Variants in SLC24A2 observed in about 807,000 individuals in gnomAD.
SLC24A2 encodes sodium/potassium/calcium exchanger 2.
A neutral mutation model predicts 62.0 loss-of-function variants in SLC24A2; 36 were observed. The observed-to-expected ratio is 0.58, with a 90% CI of 0.44 to 0.77. The LOEUF (loss-of-function observed/expected upper bound fraction) is 0.77, where lower values mean the gene tolerates loss of function less well. Ranked by LOEUF, SLC24A2 falls within the 30% of genes least tolerant of loss-of-function variation. The pLI, the probability that SLC24A2 is intolerant of heterozygous loss-of-function variation, is 0.00. For synonymous variants in SLC24A2, 358 were observed against 294.0 expected, an observed-to-expected ratio of 1.22 and a Z score of -2.23; for missense variants, 846 against 817.9, an observed-to-expected ratio of 1.03 and a Z score of -0.42.
chr9:19,546,904 C>A (rs930669685), intron 8 of SLC24A2, among the ~76,000 whole-genome samples: 1 of 152,160 alleles, frequency 6.6e-6, no homozygotes, highest in Non-Finnish European at 1.5e-5. Context: ...TTCCTCATGG[C>A]ACAGTCCCTC....
chr9:19,942,944 T>G, the SLC24A2 span, among the ~76,000 whole-genome samples: 1 of 152,174 alleles, frequency 6.6e-6, no homozygotes, highest in Non-Finnish European at 1.5e-5. Context: ...GAATGAACAT[T>G]CTAGAGAAAC....
chr9:20,076,551 G>A, the SLC24A2 span, among the ~76,000 whole-genome samples: 57 of 152,170 alleles, frequency 3.7e-4, 1 homozygote, highest in African/African-American at 1.3e-3. Context: ...ACTCTCCTTC[G>A]GGATTCAGAA....
At chr9:19,813,657 T>C in the SLC24A2 span, among the ~76,000 whole-genome samples, 1 of 152,120 alleles carries the variant, frequency 6.6e-6, no homozygotes, top group East Asian at 1.9e-4. Context: ...TGTTGTGATC[T>C]GAATGTTTGC....
At chr9:19,680,798 C>A (rs139576386) in intron 2 of SLC24A2, among the ~76,000 whole-genome samples, 78 of 151,760 alleles carry the variant, frequency 5.1e-4, no homozygotes, top group African/African-American at 1.8e-3. Context: ...TCTTTCTAAT[C>A]AAGAAATGAT....
chr9:19,845,058 T>C, the SLC24A2 span, among the ~76,000 whole-genome samples: 1 of 151,890 alleles, frequency 6.6e-6, no homozygotes, highest in Non-Finnish European at 1.5e-5. Context: ...AAAAATGACA[T>C]TGGTACTTTG....
the SLC24A2 span, among the ~76,000 whole-genome samples, chr9:19,885,251 G>A: frequency 2.6e-5 from 4 of 152,146 alleles, no homozygotes; most frequent in Non-Finnish European, 5.9e-5. Flanking sequence ...ATGCTAACGT[G>A]TTTAGGTGGG....
chr9:20,033,670 C>G, the SLC24A2 span, among the ~76,000 whole-genome samples: 1 of 152,120 alleles, frequency 6.6e-6, no homozygotes, highest in African/African-American at 2.4e-5. Context: ...AAAGACACTC[C>G]CACCAGTGCC....
rs567503456 is a variant in SLC24A2 at position 19,783,403 on chromosome 9, C to G, written c.930+2534G>C. Among the ~76,000 whole-genome samples the G allele has an allele frequency of 2.0e-3, 307 of 152,302 alleles. 3 individuals carry two copies. The highest frequency in any genetic ancestry group is 3.4e-3 in the Middle Eastern group (1 of 294). On this transcript the variant is annotated intron_variant, in intron 2 of 10. Transcript: ENST00000341998. ...CACATTCCTCTCTAGGAAGACTCCA[C>G]TGAAGGCCGCATTTGGCTTAAAGTC...
chr9:20,130,125 T>C, the SLC24A2 span, among the ~76,000 whole-genome samples: 3 of 152,086 alleles, frequency 2.0e-5, no homozygotes, highest in African/African-American at 7.2e-5. Context: ...TGTATAATTA[T>C]AAGACTAGCT....
intron 2 of SLC24A2, among the ~76,000 whole-genome samples, chr9:19,766,782 T>A (rs905598986): frequency 6.6e-6 from 1 of 152,222 alleles, no homozygotes; most frequent in Non-Finnish European, 1.5e-5. Context: ...AGCGACCCAC[T>A]TGAGGAGGCA....
At chr9:20,193,515 T>C in the SLC24A2 span, among the ~76,000 whole-genome samples, 2 of 151,856 alleles carry the variant, frequency 1.3e-5, no homozygotes, top group Non-Finnish European at 2.9e-5. Context: ...TTATTTTTAA[T>C]ATATGTAATG....
At chr9:20,114,166 C>A in the SLC24A2 span, among the ~76,000 whole-genome samples, 1 of 151,986 alleles carries the variant, frequency 6.6e-6, no homozygotes, top group African/African-American at 2.4e-5. Context: ...CAAAGATCTG[C>A]GCAGGAACCC....
At chr9:20,249,746 A>C in the SLC24A2 span, among the ~76,000 whole-genome samples, 1 of 150,346 alleles carries the variant, frequency 6.7e-6, no homozygotes, top group East Asian at 2.0e-4. Context: ...CTGAAATGTC[A>C]TGTAGCACTG....
At chr9:20,219,298 G>C in the SLC24A2 span, among the ~76,000 whole-genome samples, 14 of 152,148 alleles carry the variant, frequency 9.2e-5, no homozygotes, top group Non-Finnish European at 1.2e-4. Flanking sequence ...GGCTTCCATT[G>C]AGATGTGGGA....
At chr9:19,871,806 T>C in the SLC24A2 span, among the ~76,000 whole-genome samples, 1 of 152,344 alleles carries the variant, frequency 6.6e-6, no homozygotes, top group South Asian at 2.1e-4. Context: ...ATTTGGGATA[T>C]TATCTGGAGA....
upstream of SLC24A2, among the ~76,000 whole-genome samples, chr9:19,793,188 T>C (rs1352421590): frequency 6.6e-6 from 1 of 152,228 alleles, no homozygotes; most frequent in Non-Finnish European, 1.5e-5. Context: ...TAACAAAAAG[T>C]TCAAAAATCA....
At chr9:20,116,919 A>T in the SLC24A2 span, among the ~76,000 whole-genome samples, 9 of 152,280 alleles carry the variant, frequency 5.9e-5, no homozygotes, top group African/African-American at 1.9e-4. Flanking sequence ...AAGCCCTGTT[A>T]ATAATCAAAC....
At chr9:20,248,705 C>T in the SLC24A2 span, among the ~76,000 whole-genome samples, 1 of 152,184 alleles carries the variant, frequency 6.6e-6, no homozygotes, top group African/African-American at 2.4e-5. Flanking sequence ...GAGCATTTCT[C>T]CAACGCTGCC....
At chr9:19,999,692 T>C in the SLC24A2 span, among the ~76,000 whole-genome samples, 2 of 152,174 alleles carry the variant, frequency 1.3e-5, no homozygotes, top group Non-Finnish European at 2.9e-5. Context: ...GTCATCATGG[T>C]TTCTCACTAA....
Sources: gnomAD v4.1 joint callset for allele counts (sites outside exome capture counted in the v4.1 genomes callset) on GRCh38, gnomAD v4.1.1 for gene constraint, MANE v1.5 for transcripts, NCBI Gene and HGNC (gene_info 2026-07-23, HGNC 2026-07-21) for gene names.